Variants in RNF11 observed in about 807,000 individuals in gnomAD.
The protein encoded by RNF11 is ring finger protein 11.
Under a neutral mutation model 15.8 loss-of-function variants are expected in RNF11, and 4 were observed. The observed-to-expected ratio is 0.25, with a 90% CI of 0.12 to 0.58. The LOEUF (loss-of-function observed/expected upper bound fraction) is 0.58, where lower values mean the gene tolerates loss of function less well. RNF11 is among the 20% of genes least tolerant of loss of function. The probability of loss-of-function intolerance (pLI) is 0.91; values close to 1 mark genes in which losing one functional copy is unlikely to be tolerated. For synonymous variants in RNF11, 68 were observed against 72.3 expected (o/e 0.94, Z 0.30); for missense variants, 139 against 194.4 (o/e 0.71, Z 1.70).
chr1:51,249,632 G>C (rs2148067709), intron 1 of RNF11, among the ~76,000 whole-genome samples: 1 of 152,268 alleles, frequency 6.6e-6, no homozygotes, highest in Non-Finnish European at 1.5e-5. Flanking sequence ...CTTACGTAAT[G>C]GCAGTAGTTC....
At chr1:51,250,480 C>T (rs35646320) in intron 1 of RNF11, 21,696 of 479,632 alleles carry the variant, frequency 0.045, 632 homozygotes, top group Non-Finnish European at 0.062. Context: ...AGTTGAATAG[C>T]GTGGGTCCAC....
At position 51,271,364 on chromosome 1, in the gene RNF11, G is replaced by A. The variant is rs777353077; in HGVS notation, c.*42G>A. 7.8e-6 allele frequency: 12 copies of A among 1,539,296 alleles called. No homozygotes were observed. In the South Asian group the frequency reaches 9.7e-5, roughly 12 times the overall value. On this transcript the variant is annotated 3_prime_UTR_variant, in exon 3 of 3. Transcript: ENST00000242719. ...TGACTTCAAGTGAACCACCATTTTG[G>A]TGGTTTTGATCTTTTGTCACTGAGC...
At chr1:51,236,944 C>T in intron 1 of RNF11, 65 bp downstream of exon 1, 1 of 1,535,976 alleles carries the variant, frequency 6.5e-7, no homozygotes, top group South Asian at 1.2e-5. Flanking sequence ...GAGGGGGCTT[C>T]GGGGCCGTCT....
chr1:51,252,184 CT>C (rs1266637022), intron 1 of RNF11, among the ~76,000 whole-genome samples: 9 of 151,458 alleles, frequency 5.9e-5, no homozygotes, highest in African/African-American at 1.5e-4. Context: ...TTTTCTCTGG[CT>C]TATTTCGTAA....
intron 1 of RNF11, chr1:51,251,612 A>G (rs1646878749): frequency 3.9e-6 from 2 of 519,146 alleles, no homozygotes; most frequent in Admixed American, 7.5e-5. Flanking sequence ...TTTATCATTT[A>G]CTACCGTAAA....
chr1:51,252,476 G>A (rs1646884298), intron 1 of RNF11, among the ~76,000 whole-genome samples: 1 of 152,094 alleles, frequency 6.6e-6, no homozygotes, highest in South Asian at 2.1e-4. Context: ...TTAGCTGGAT[G>A]TGGTGGCGGG....
intron 1 of RNF11, chr1:51,250,578 A>T: frequency 3.3e-6 from 2 of 607,348 alleles, no homozygotes; most frequent in Non-Finnish European, 5.8e-6. Context: ...AATTCGCTTT[A>T]TTTTCCTTGT....
intron 1 of RNF11, among the ~76,000 whole-genome samples, chr1:51,253,656 A>G (rs1207823729): frequency 6.6e-6 from 1 of 152,112 alleles, no homozygotes; most frequent in Non-Finnish European, 1.5e-5. Flanking sequence ...CTAGAGAGGG[A>G]TGTAGGTAAA....
intron 1 of RNF11, among the ~76,000 whole-genome samples, chr1:51,256,171 A>G (rs2148070522): frequency 6.6e-6 from 1 of 152,310 alleles, no homozygotes; most frequent in East Asian, 1.9e-4. Flanking sequence ...CCACCATTAT[A>G]GTATCATACG....
At chr1:51,237,029 C>T (rs745442168) in intron 1 of RNF11, 150 bp downstream of exon 1, 500 of 1,086,490 alleles carry the variant, frequency 4.6e-4, no homozygotes, top group Non-Finnish European at 5.8e-4. Flanking sequence ...CATTTGCTCT[C>T]TGATCTCAGA....
At chr1:51,261,923 C>T (rs72692296) in intron 1 of RNF11, among the ~76,000 whole-genome samples, 4,482 of 152,204 alleles carry the variant, frequency 0.029, 96 homozygotes, top group African/African-American at 0.055. Flanking sequence ...CCAGCAGTCT[C>T]GGCTCACTGC....
chr1:51,251,506 C>T (rs1569664648), intron 1 of RNF11: 1 of 591,374 alleles, frequency 1.7e-6, no homozygotes, highest in African/African-American at 1.9e-5. Flanking sequence ...GGATTTGTGA[C>T]AATTTGAATA....
intron 1 of RNF11, among the ~76,000 whole-genome samples, chr1:51,257,204 A>G (rs1327137617): frequency 6.6e-6 from 1 of 152,188 alleles, no homozygotes; most frequent in Non-Finnish European, 1.5e-5. Context: ...TTCCCCAGGT[A>G]GGTTAAGCTC....
intron 1 of RNF11, among the ~76,000 whole-genome samples, chr1:51,260,444 C>T (rs965160244): frequency 2.0e-5 from 3 of 152,152 alleles, no homozygotes; most frequent in Admixed American, 6.5e-5. Flanking sequence ...CAACCTGGCC[C>T]TCTTTCAAAC....
intron 1 of RNF11, chr1:51,251,145 A>C (rs1327543561): frequency 6.5e-7 from 1 of 1,547,362 alleles, no homozygotes; most frequent in Non-Finnish European, 8.8e-7. Context: ...CTGCGTCTGC[A>C]CTGGCATAAT....
chr1:51,249,009 G>A (rs1463327249), intron 1 of RNF11, among the ~76,000 whole-genome samples: 1 of 152,180 alleles, frequency 6.6e-6, no homozygotes, highest in East Asian at 1.9e-4. Context: ...ATGATTTAAA[G>A]TATATGGGAG....
chr1:51,255,527 GA>G (rs1646900556), intron 1 of RNF11, among the ~76,000 whole-genome samples: 1 of 152,218 alleles, frequency 6.6e-6, no homozygotes, highest in South Asian at 2.1e-4. Context: ...AAAGTGTTGG[GA>G]TTACAGGCGT....
intron 1 of RNF11, among the ~76,000 whole-genome samples, chr1:51,264,181 C>CG (rs996258716): frequency 1.4e-5 from 2 of 142,684 alleles, no homozygotes; most frequent in African/African-American, 2.6e-5. Flanking sequence ...CACTTGAGCC[C>CG]GGGGGGTCGT....
At chr1:51,256,527 T>C (rs1252273743) in intron 1 of RNF11, among the ~76,000 whole-genome samples, 3 of 152,214 alleles carry the variant, frequency 2.0e-5, no homozygotes, top group African/African-American at 7.2e-5. Flanking sequence ...TGTAAACATT[T>C]GTTTCTGGGT....
Sources: gnomAD v4.1 joint callset for allele counts (sites outside exome capture counted in the v4.1 genomes callset) on GRCh38, gnomAD v4.1.1 for gene constraint, MANE v1.5 for transcripts, NCBI Gene and HGNC (gene_info 2026-07-23, HGNC 2026-07-21) for gene names.